FRMD4A: variants seen among roughly 807,000 people sequenced by gnomAD.
The protein encoded by FRMD4A is FERM domain-containing protein 4A.
A neutral mutation model predicts 129.1 loss-of-function variants in FRMD4A; 29 were observed. The ratio of observed to expected loss-of-function variants is 0.22; its 90% CI spans 0.17 to 0.31. The LOEUF is 0.31. FRMD4A is among the 10% of genes least tolerant of loss of function. The pLI is 1.00. For missense variants in FRMD4A, 1,272 were observed against 1,375.8 expected, an observed-to-expected ratio of 0.92 and a Z score of 1.19; for synonymous variants, 634 against 571.6, an observed-to-expected ratio of 1.11 and a Z score of -1.56.
chr10:14,145,981 T>C (rs1840054618), intron 2 of FRMD4A, among the ~76,000 whole-genome samples: 3 of 152,218 alleles, frequency 2.0e-5, no homozygotes, highest in African/African-American at 7.2e-5. Context: ...TTAAAACATT[T>C]TCCTAACAAT....
At chr10:14,310,689 C>T (rs1846517573) in intron 2 of FRMD4A, among the ~76,000 whole-genome samples, 1 of 152,190 alleles carries the variant, frequency 6.6e-6, no homozygotes, top group African/African-American at 2.4e-5. Context: ...GAGCGCTATG[C>T]AAAGGGCACA....
chr10:14,058,829 CG>C (rs1834669510), intron 2 of FRMD4A, among the ~76,000 whole-genome samples: 1 of 152,150 alleles, frequency 6.6e-6, no homozygotes. Flanking sequence ...CCTGCTAAAT[CG>C]TAGCTCCAAA....
chr10:14,141,903 G>A (rs1839854230), intron 2 of FRMD4A, among the ~76,000 whole-genome samples: 1 of 152,084 alleles, frequency 6.6e-6, no homozygotes, highest in Non-Finnish European at 1.5e-5. Context: ...CTGATGCCTG[G>A]CGTAGTGACT....
Position 14,295,119 on chromosome 10 carries a change from G to A in FRMD4A, c.45+34939C>T, listed in dbSNP as rs147073400. ...GCCTTGGCATAGTTTTACATGGAGT[G>A]GAAGAAATGAGGGGGCCCAACATCA... On this transcript the variant is annotated intron_variant, in intron 2 of 24. Coordinates refer to ENST00000357447, the MANE Select transcript of FRMD4A (RefSeq NM_018027.5). Among the ~76,000 whole-genome samples, 71 of 152,322 alleles carry A rather than the reference G, an allele frequency of 4.7e-4. 1 individual carries two copies. The highest frequency in any genetic ancestry group is 1.6e-3 in the African/African-American group (68 of 41,574).
intron 3 of FRMD4A, among the ~76,000 whole-genome samples, chr10:13,817,940 T>TTCCACAGTATACTATAC (rs2093571023): frequency 6.6e-6 from 1 of 152,168 alleles, no homozygotes; most frequent in African/African-American, 2.4e-5. Flanking sequence ...GAATACTATA[T>TTCCACAGTATACTATAC]TCCACAGTAT....
chr10:13,944,389 G>C (rs1234923657), intron 2 of FRMD4A, among the ~76,000 whole-genome samples: 1 of 151,996 alleles, frequency 6.6e-6, no homozygotes, highest in East Asian at 1.9e-4. Flanking sequence ...TCACCCTCAG[G>C]TGGGACCATC....
intron 19 of FRMD4A, among the ~76,000 whole-genome samples, chr10:13,661,109 TC>T (rs1564544229): frequency 6.6e-6 from 1 of 152,218 alleles, no homozygotes; most frequent in South Asian, 2.1e-4. Flanking sequence ...TCTGCTTTTT[TC>T]CCCCAGAGCT....
At chr10:13,988,663 T>C (rs2095591354) in intron 2 of FRMD4A, among the ~76,000 whole-genome samples, 1 of 152,146 alleles carries the variant, frequency 6.6e-6, no homozygotes, top group Non-Finnish European at 1.5e-5. Context: ...TAGATACCGA[T>C]AGATCGATAG....
chr10:13,754,567 CGTGTGTGTGTGTGTGT>C (rs56304219), intron 8 of FRMD4A, among the ~76,000 whole-genome samples: 1 of 147,882 alleles, frequency 6.8e-6, no homozygotes, highest in Non-Finnish European at 1.5e-5. Context: ...ACAATTCTTT[CGTGTGTGTGTGTGTGT>C]GTGTGTGTGT....
intron 12 of FRMD4A, among the ~76,000 whole-genome samples, chr10:13,727,245 C>T (rs2089962864): frequency 6.6e-6 from 1 of 152,172 alleles, no homozygotes; most frequent in South Asian, 2.1e-4. Flanking sequence ...GAGGATGCTG[C>T]TGGTCCAAGG....
chr10:14,088,513 T>C (rs1836434867), intron 2 of FRMD4A, among the ~76,000 whole-genome samples: 1 of 150,154 alleles, frequency 6.7e-6, no homozygotes, highest in Non-Finnish European at 1.5e-5. Flanking sequence ...TAATCCCTAA[T>C]CCTAGAACTT....
At chr10:14,046,126 A>G (rs11258824) in intron 2 of FRMD4A, among the ~76,000 whole-genome samples, 20,455 of 152,028 alleles carry the variant, frequency 0.13, 1,527 homozygotes, top group African/African-American at 0.21. Flanking sequence ...ATATACTTTC[A>G]CATTTTACTA....
At chr10:13,780,774 G>A (rs1166421784) in intron 6 of FRMD4A, among the ~76,000 whole-genome samples, 1 of 152,106 alleles carries the variant, frequency 6.6e-6, no homozygotes, top group Non-Finnish European at 1.5e-5. Context: ...GAAAACAGTA[G>A]GGATGGCTCC....
intron 2 of FRMD4A, among the ~76,000 whole-genome samples, chr10:14,021,117 AT>A (rs1278686552): frequency 6.6e-6 from 1 of 152,140 alleles, no homozygotes; most frequent in African/African-American, 2.4e-5. Flanking sequence ...ACAATCTCAC[AT>A]CTAGGAAGTG....
intron 15 of FRMD4A, among the ~76,000 whole-genome samples, chr10:13,681,027 C>CA (rs1214069252): frequency 6.6e-6 from 1 of 152,148 alleles, no homozygotes; most frequent in Non-Finnish European, 1.5e-5. Flanking sequence ...ATAAAATTAC[C>CA]AATTGACCCA....
chr10:13,787,013 G>A (rs535381689), intron 5 of FRMD4A, among the ~76,000 whole-genome samples: 1 of 152,190 alleles, frequency 6.6e-6, no homozygotes, highest in Non-Finnish European at 1.5e-5. Flanking sequence ...CTCATATGAT[G>A]GAAAACTGAA....
intron 2 of FRMD4A, among the ~76,000 whole-genome samples, chr10:14,179,200 G>A (rs1264972230): frequency 2.0e-5 from 3 of 152,012 alleles, no homozygotes; most frequent in Non-Finnish European, 4.4e-5. Context: ...GAGTCTCTGG[G>A]GATCATAGCT....
chr10:14,173,475 G>A (rs1256237105), intron 2 of FRMD4A, among the ~76,000 whole-genome samples: 1 of 152,106 alleles, frequency 6.6e-6, no homozygotes, highest in African/African-American at 2.4e-5. Context: ...CTGCAGGTCT[G>A]CTATTTTTCC....
chr10:14,200,674 C>A (rs562965650), intron 2 of FRMD4A, among the ~76,000 whole-genome samples: 15 of 152,318 alleles, frequency 9.8e-5, no homozygotes, highest in Non-Finnish European at 1.6e-4. Context: ...GCCTCCTCAG[C>A]CTCCTCAGCC....
Sources: allele counts gnomAD v4.1 joint callset (sites outside exome capture counted in the v4.1 genomes callset), GRCh38; gene constraint gnomAD v4.1.1; transcripts MANE v1.5; gene names NCBI Gene and HGNC (gene_info 2026-07-23, HGNC 2026-07-21).